Variants in SDK1 observed in about 807,000 individuals in gnomAD.
SDK1 encodes the protein protein sidekick-1.
In SDK1, 157 loss-of-function variants were observed where a neutral mutation model predicts 245.5. That is an observed-to-expected ratio of 0.64 (90% CI 0.56 to 0.73). The LOEUF (loss-of-function observed/expected upper bound fraction) is 0.73. Among genes scored for constraint, SDK1 ranks in the 30% least tolerant of loss-of-function variants. The pLI is 0.00. For missense variants in SDK1, 3,583 were observed against 3,002.3 expected, an observed-to-expected ratio of 1.19 and a Z score of -4.52; for synonymous variants, 1,647 against 1,278.5, an observed-to-expected ratio of 1.29 and a Z score of -6.15.
chr7:3,328,927 C>G (rs1780000583), intron 1 of SDK1, among the ~76,000 whole-genome samples: 1 of 152,002 alleles, frequency 6.6e-6, no homozygotes, highest in African/African-American at 2.4e-5. Context: ...CTAAGAAAAT[C>G]AAAAGGTAGA....
intron 4 of SDK1, among the ~76,000 whole-genome samples, chr7:3,802,605 T>C (rs930738658): frequency 6.6e-6 from 1 of 152,070 alleles, no homozygotes; most frequent in Non-Finnish European, 1.5e-5. Context: ...TGCCCTGTAA[T>C]TGTCATACCT....
At chr7:3,379,849 T>C (rs532841703) in intron 1 of SDK1, among the ~76,000 whole-genome samples, 4 of 152,304 alleles carry the variant, frequency 2.6e-5, no homozygotes, top group East Asian at 1.9e-4. Flanking sequence ...TGAGTGCTCA[T>C]TGGAGCATTT....
intron 4 of SDK1, among the ~76,000 whole-genome samples, chr7:3,772,122 G>T (rs1330857636): frequency 1.3e-5 from 2 of 152,102 alleles, no homozygotes; most frequent in African/African-American, 4.8e-5. Flanking sequence ...GATAAAGAGG[G>T]ACCTGCTTCC....
chr7:3,690,552 A>G (rs1406124042), intron 4 of SDK1, among the ~76,000 whole-genome samples: 1 of 152,156 alleles, frequency 6.6e-6, no homozygotes, highest in African/African-American at 2.4e-5. Flanking sequence ...GAGAAACCCA[A>G]TAAATCTTGC....
chr7:3,542,035 C>G (rs1025231370), intron 1 of SDK1, among the ~76,000 whole-genome samples: 5 of 152,128 alleles, frequency 3.3e-5, no homozygotes, highest in South Asian at 4.2e-4. Flanking sequence ...GCACATGTAC[C>G]CTCAAAATTA....
At chr7:3,446,989 G>T (rs1313963315) in intron 1 of SDK1, among the ~76,000 whole-genome samples, 2 of 152,162 alleles carry the variant, frequency 1.3e-5, no homozygotes, top group Non-Finnish European at 2.9e-5. Context: ...ATACGATGAA[G>T]CAATCTGAGT....
intron 4 of SDK1, among the ~76,000 whole-genome samples, chr7:3,775,437 T>A (rs1015530850): frequency 1.4e-4 from 22 of 152,108 alleles, no homozygotes; most frequent in Non-Finnish European, 2.4e-4. Flanking sequence ...TTTTATTTTT[T>A]TTTTTCTATT....
intron 1 of SDK1, among the ~76,000 whole-genome samples, chr7:3,554,651 A>C (rs1779524544): frequency 6.6e-6 from 1 of 152,234 alleles, no homozygotes; most frequent in Non-Finnish European, 1.5e-5. Context: ...GGAAAGAGGC[A>C]CTGAGGAGAG....
At chr7:4,030,353 T>C (rs1375689421) in intron 17 of SDK1, among the ~76,000 whole-genome samples, 2 of 152,204 alleles carry the variant, frequency 1.3e-5, no homozygotes, top group African/African-American at 4.8e-5. Context: ...TGGGCAGAAG[T>C]TGCTCAAAGA....
At chr7:3,533,478 G>A (rs1280212179) in intron 1 of SDK1, among the ~76,000 whole-genome samples, 1 of 152,098 alleles carries the variant, frequency 6.6e-6, no homozygotes, top group East Asian at 1.9e-4. Flanking sequence ...GGCAGTAAGG[G>A]CTTATGTTAT....
At chr7:3,843,770 G>T (rs896993853) in intron 5 of SDK1, among the ~76,000 whole-genome samples, 14 of 152,110 alleles carry the variant, frequency 9.2e-5, no homozygotes, top group Admixed American at 3.3e-4. Flanking sequence ...CTGAGCCTCA[G>T]TTTTCCCATC....
At chr7:3,893,754 T>C (rs1412762439) in intron 5 of SDK1, among the ~76,000 whole-genome samples, 1 of 151,502 alleles carries the variant, frequency 6.6e-6, no homozygotes, top group Non-Finnish European at 1.5e-5. Context: ...CACATCTGTC[T>C]CTTCTCCACA....
chr7:4,223,691 C>T (rs1785261422), intron 40 of SDK1, among the ~76,000 whole-genome samples: 2 of 152,182 alleles, frequency 1.3e-5, no homozygotes, highest in Non-Finnish European at 2.9e-5. Context: ...CTGCAACTAC[C>T]CTATTTCCAA....
chr7:3,466,991 C>CT (rs1781024898), intron 1 of SDK1, among the ~76,000 whole-genome samples: 12 of 139,676 alleles, frequency 8.6e-5, no homozygotes, highest in Middle Eastern at 6.9e-3. Flanking sequence ...CACACACACA[C>CT]ACACACACAC....
At chr7:3,602,136 A>T (rs943908801) in intron 1 of SDK1, among the ~76,000 whole-genome samples, 7 of 151,966 alleles carry the variant, frequency 4.6e-5, no homozygotes, top group African/African-American at 1.5e-4. Flanking sequence ...TACAATAAAC[A>T]TACGTGTGCA....
At chr7:3,645,862 TTA>T (rs1225647483) in intron 4 of SDK1, among the ~76,000 whole-genome samples, 1 of 151,936 alleles carries the variant, frequency 6.6e-6, no homozygotes. Flanking sequence ...TATTTTTTTT[TTA>T]TTTTTATTTT....
intron 1 of SDK1, among the ~76,000 whole-genome samples, chr7:3,508,326 C>CTTTTTTTTTTTT (rs746963363): frequency 7.3e-6 from 1 of 136,218 alleles, no homozygotes; most frequent in Admixed American, 7.3e-5. Context: ...TCTTCTTCTT[C>CTTTTTTTTTTTT]TTTTTTTTTT....
At chr7:3,967,720 A>G (rs902710462) in intron 10 of SDK1, among the ~76,000 whole-genome samples, 2 of 152,206 alleles carry the variant, frequency 1.3e-5, no homozygotes, top group Admixed American at 6.5e-5. Context: ...GATCCTTGGC[A>G]TGCATAGTTC....
At chr7:3,677,111 C>G (rs1417010754) in intron 4 of SDK1, among the ~76,000 whole-genome samples, 2 of 152,142 alleles carry the variant, frequency 1.3e-5, no homozygotes, top group South Asian at 2.1e-4. Flanking sequence ...ATATCCTTTT[C>G]TTAGTGAAGA....
Sources: gnomAD v4.1 joint callset for allele counts (sites outside exome capture counted in the v4.1 genomes callset) on GRCh38, gnomAD v4.1.1 for gene constraint, MANE v1.5 for transcripts, NCBI Gene and HGNC (gene_info 2026-07-23, HGNC 2026-07-21) for gene names.